Variants in NAV3 observed in about 807,000 individuals in gnomAD.
The protein encoded by NAV3 is pore membrane and/or filament interacting like protein 1.
Under a neutral mutation model 244.7 loss-of-function variants are expected in NAV3, and 87 were observed. The ratio of observed to expected loss-of-function variants is 0.36; its 90% confidence interval spans 0.30 to 0.42. The LOEUF (loss-of-function observed/expected upper bound fraction) is 0.42. NAV3 is among the 20% of genes least tolerant of loss of function. The probability of loss-of-function intolerance (pLI) is 1.00; values close to 1 mark genes in which losing one functional copy is unlikely to be tolerated. For missense variants in NAV3, 2,663 were observed against 2,893.3 expected (o/e 0.92, Z 1.83); for synonymous variants, 1,126 against 1,042.2 (o/e 1.08, Z -1.55).
At chr12:77,935,824 G>C (rs79813858) in intron 1 of NAV3, among the ~76,000 whole-genome samples, 1 of 152,188 alleles carries the variant, frequency 6.6e-6, no homozygotes, top group African/African-American at 2.4e-5. Context: ...ATCATCTTAC[G>C]TGGTGGGAGC....
intron 3 of NAV3, among the ~76,000 whole-genome samples, chr12:77,955,206 A>G (rs991792587): frequency 2.6e-5 from 4 of 152,152 alleles, no homozygotes; most frequent in African/African-American, 9.7e-5. Context: ...TTTAAATGAG[A>G]GTCAATTCAA....
intron 3 of NAV3, among the ~76,000 whole-genome samples, chr12:77,948,722 A>G (rs1157549658): frequency 3.1e-5 from 2 of 63,884 alleles, no homozygotes; most frequent in South Asian, 5.6e-4. Flanking sequence ...ATCACTTACA[A>G]TAATCAGTGG....
At chr12:78,116,399 A>C (rs1336138412) in intron 12 of NAV3, among the ~76,000 whole-genome samples, 1 of 152,210 alleles carries the variant, frequency 6.6e-6, no homozygotes, top group Non-Finnish European at 1.5e-5. Context: ...TTTTAGAACA[A>C]AGAATAAATT....
At chr12:78,197,429 G>C in intron 35 of NAV3, 28 bp downstream of exon 35, 2 of 1,488,226 alleles carry the variant, frequency 1.3e-6, no homozygotes, top group Non-Finnish European at 1.8e-6. Context: ...TCTGAATAAT[G>C]AAATATGAAA....
chr12:78,028,206 A>T (rs73137927), intron 9 of NAV3, among the ~76,000 whole-genome samples: 29,240 of 152,116 alleles, frequency 0.19, 3,006 homozygotes, highest in Middle Eastern at 0.27. Context: ...GAAAGAGTGG[A>T]TCCATCAGTG....
chr12:78,162,147 A>G (rs546925059), intron 23 of NAV3, among the ~76,000 whole-genome samples: 1 of 152,260 alleles, frequency 6.6e-6, no homozygotes, highest in South Asian at 2.1e-4. Flanking sequence ...ACATTTCTCT[A>G]AAAGCTAAGG....
rs537577446 is a variant in NAV3, at chr12:77,668,580, A to C, written c.72+96314A>C. The stretch of plus-strand genomic sequence containing the variant: ...GCTTTTGAATTAACCCAATCCATCA[A>C]AGACAAAGAAAAAAGAATAAAGAAT... On this transcript the variant is annotated intron_variant, in intron 2 of 8. Coordinates refer to the NAV3 transcript ENST00000550042. Among the ~76,000 whole-genome samples the C allele has an allele frequency of 7.2e-5, 11 of 152,264 alleles. No individual in the cohort carries two copies. In the East Asian group the frequency reaches 1.9e-3, roughly 27 times the overall value.
At chr12:77,705,349 G>A (rs754388162) in intron 2 of NAV3, among the ~76,000 whole-genome samples, 1 of 151,360 alleles carries the variant, frequency 6.6e-6, no homozygotes, top group Non-Finnish European at 1.5e-5. Context: ...GAATCCAGGA[G>A]GTGGAGATTG....
At chr12:77,727,398 G>T (rs1445706374) in intron 2 of NAV3, among the ~76,000 whole-genome samples, 4 of 151,610 alleles carry the variant, frequency 2.6e-5, no homozygotes, top group South Asian at 2.1e-4. Flanking sequence ...AAGGGAAAAG[G>T]TTGCTTCTTA....
chr12:77,769,733 C>T (rs966861290), intron 2 of NAV3, among the ~76,000 whole-genome samples: 3 of 152,080 alleles, frequency 2.0e-5, no homozygotes, highest in East Asian at 1.9e-4. Flanking sequence ...TATGGAAAGT[C>T]GGATTTGTCA....
intron 1 of NAV3, among the ~76,000 whole-genome samples, chr12:77,899,036 G>C (rs891197005): frequency 6.6e-6 from 1 of 152,222 alleles, no homozygotes; most frequent in Non-Finnish European, 1.5e-5. Flanking sequence ...GAAATCAGAA[G>C]TGGAGCCTGA....
At chr12:77,715,230 A>G (rs1424193428) in intron 2 of NAV3, among the ~76,000 whole-genome samples, 2 of 152,002 alleles carry the variant, frequency 1.3e-5, no homozygotes, top group Non-Finnish European at 2.9e-5. Context: ...AATGGACCCA[A>G]TCTTTAGTAT....
chr12:77,750,848 G>A (rs10777395), intron 2 of NAV3, among the ~76,000 whole-genome samples: 75,599 of 151,670 alleles, frequency 0.5, 19,772 homozygotes, highest in African/African-American at 0.66. Flanking sequence ...AGCACTCACA[G>A]CAAGTGATAA....
chr12:78,063,333 T>C (rs1474711995), intron 12 of NAV3, among the ~76,000 whole-genome samples: 2 of 152,182 alleles, frequency 1.3e-5, no homozygotes, highest in Non-Finnish European at 2.9e-5. Flanking sequence ...GATACATTTA[T>C]AGCTGGCAGT....
chr12:78,181,429 A>C (rs1295071562), intron 30 of NAV3, among the ~76,000 whole-genome samples: 1 of 152,046 alleles, frequency 6.6e-6, no homozygotes, highest in Non-Finnish European at 1.5e-5. Context: ...TTATTTTCTA[A>C]ATCTGACTTG....
At chr12:77,573,592 C>G (rs1035408099) in intron 2 of NAV3, among the ~76,000 whole-genome samples, 5 of 152,056 alleles carry the variant, frequency 3.3e-5, no homozygotes, top group African/African-American at 4.8e-5. Flanking sequence ...GAGTGTTTAC[C>G]CAGAGGAGAT....
chr12:77,984,466 C>T (rs1870115733), intron 5 of NAV3, among the ~76,000 whole-genome samples: 2 of 139,776 alleles, frequency 1.4e-5, no homozygotes, highest in Admixed American at 7.6e-5. Context: ...CCTCCAGAGA[C>T]TGTCAAGTAT....
chr12:78,179,457 T>G, intron 28 of NAV3, 72 bp from the exon 29 acceptor site: 1 of 1,578,590 alleles, frequency 6.3e-7, no homozygotes, highest in South Asian at 1.1e-5. Context: ...AGTGCAGCCT[T>G]TAAAAGAGGC....
chr12:77,904,421 A>T (rs1444216319), intron 1 of NAV3, among the ~76,000 whole-genome samples: 8 of 152,068 alleles, frequency 5.3e-5, no homozygotes, highest in Non-Finnish European at 8.8e-5. Flanking sequence ...GCATGTTCTC[A>T]CTCATAGTTG....
Sources: gnomAD v4.1 joint callset for allele counts (sites outside exome capture counted in the v4.1 genomes callset) on GRCh38, gnomAD v4.1.1 for gene constraint, MANE v1.5 for transcripts, NCBI Gene and HGNC (gene_info 2026-07-23, HGNC 2026-07-21) for gene names.